DNAH5: variants seen among roughly 807,000 people sequenced by gnomAD.
DNAH5 encodes dynein axonemal heavy chain 5, also known as axonemal beta dynein heavy chain 5.
DNAH5 carries 372 observed loss-of-function variants against 518.2 expected under a neutral mutation model. The observed-to-expected ratio is 0.72, with a 90% confidence interval of 0.66 to 0.78. The LOEUF (loss-of-function observed/expected upper bound fraction) is 0.78, where lower values mean the gene tolerates loss of function less well. DNAH5 is among the 30% of genes least tolerant of loss of function. The pLI is 0.00. For synonymous variants in DNAH5, 2,039 were observed against 2,025.9 expected, an observed-to-expected ratio of 1.01 and a Z score of -0.17; for missense variants, 5,523 against 5,687.0, an observed-to-expected ratio of 0.97 and a Z score of 0.93.
At chr5:13,738,964 A>G (rs1165476068) in intron 65 of DNAH5, among the ~76,000 whole-genome samples, 2 of 152,158 alleles carry the variant, frequency 1.3e-5, no homozygotes, top group Admixed American at 6.5e-5. Context: ...TTTATAATGT[A>G]CAATTCATTA....
intron 74 of DNAH5, among the ~76,000 whole-genome samples, chr5:13,715,999 G>T (rs40392): frequency 6.6e-6 from 1 of 152,038 alleles, no homozygotes; most frequent in Admixed American, 6.6e-5. Flanking sequence ...TCCTAGAGGA[G>T]GTTCTTACAC....
chr5:13,952,853 G>A (rs1477430704), intron 1 of DNAH5, among the ~76,000 whole-genome samples: 3 of 152,158 alleles, frequency 2.0e-5, no homozygotes. Flanking sequence ...TGCAATCATA[G>A]CTCACTGCAG....
chr5:13,997,260 T>C (rs1370250716), intron 1 of DNAH5, among the ~76,000 whole-genome samples: 1 of 152,250 alleles, frequency 6.6e-6, no homozygotes, highest in Admixed American at 6.5e-5. Flanking sequence ...TCATATTTTA[T>C]TATAAGAGTC....
At chr5:13,983,692 A>T (rs766984216) in intron 1 of DNAH5, among the ~76,000 whole-genome samples, 6 of 152,188 alleles carry the variant, frequency 3.9e-5, no homozygotes, top group Non-Finnish European at 8.8e-5. Context: ...TTCCTGGAGG[A>T]CACTGATGGA....
chr5:13,954,558 G>A (rs1390569079), intron 1 of DNAH5, among the ~76,000 whole-genome samples: 1 of 152,218 alleles, frequency 6.6e-6, no homozygotes, highest in Non-Finnish European at 1.5e-5. Context: ...TCTTCCTTTT[G>A]TAATAGAAGA....
At position 13,702,215 on chromosome 5, in the gene DNAH5, G is replaced by A. The variant is rs539573003; in HGVS notation, c.13339-779C>T. 4.1e-4 allele frequency among the ~76,000 whole-genome samples: 63 copies of A among 152,190 alleles called. No individual in the cohort carries two copies. The South Asian group carries it at 0.013, about 32-fold the overall frequency. On this transcript the variant is annotated intron_variant, in intron 76 of 78. Transcript: ENST00000265104. ...TAGATTATAACATTTTACTGTAATT[G>A]CAATATTTTATGTATGAATAAATGT...
At chr5:13,848,114 G>A (rs1766296509) in intron 31 of DNAH5, among the ~76,000 whole-genome samples, 1 of 152,194 alleles carries the variant, frequency 6.6e-6, no homozygotes, top group South Asian at 2.1e-4. Flanking sequence ...AAATGGAATG[G>A]CGCAGCATCA....
At chr5:13,831,856 C>T (rs1580470318) in intron 35 of DNAH5, among the ~76,000 whole-genome samples, 1 of 152,264 alleles carries the variant, frequency 6.6e-6, no homozygotes, top group African/African-American at 2.4e-5. Context: ...CGTTTCATCC[C>T]CAGAGAACCC....
At chr5:13,712,306 T>C (rs1310343586) in intron 75 of DNAH5, among the ~76,000 whole-genome samples, 1 of 152,192 alleles carries the variant, frequency 6.6e-6, no homozygotes, top group Non-Finnish European at 1.5e-5. Flanking sequence ...TCTCACCTTA[T>C]ACAAAAATCA....
At chr5:13,948,374 T>TC (rs1780099587), upstream of DNAH5, among the ~76,000 whole-genome samples, 1 of 152,182 alleles carries the variant, frequency 6.6e-6, no homozygotes. Context: ...AAGCCTAGTT[T>TC]AATGGACAGG....
chr5:13,875,130 T>C (rs1033199581), intron 22 of DNAH5, among the ~76,000 whole-genome samples: 1 of 152,200 alleles, frequency 6.6e-6, no homozygotes, highest in Non-Finnish European at 1.5e-5. Context: ...GGAAAACTAA[T>C]ATCTGAGCAT....
At chr5:13,819,574 A>G (rs1761953165) in intron 41 of DNAH5, among the ~76,000 whole-genome samples, 1 of 152,072 alleles carries the variant, frequency 6.6e-6, no homozygotes, top group Non-Finnish European at 1.5e-5. Flanking sequence ...TAGAACCTCA[A>G]TGCACTGCTA....
At chr5:13,827,017 T>C (rs1321752963) in intron 38 of DNAH5, among the ~76,000 whole-genome samples, 1 of 152,096 alleles carries the variant, frequency 6.6e-6, no homozygotes, top group Non-Finnish European at 1.5e-5. Context: ...CAGATAAAGA[T>C]GGGGAACTTG....
chr5:13,796,120 TTCCC>T (rs1757782076), intron 47 of DNAH5, among the ~76,000 whole-genome samples: 1 of 152,162 alleles, frequency 6.6e-6, no homozygotes, highest in Admixed American at 6.5e-5. Flanking sequence ...ACTGGAAGCA[TTCCC>T]TTTGAAAACT....
intron 36 of DNAH5, among the ~76,000 whole-genome samples, 191 bp from the exon 37 acceptor site, chr5:13,830,404 TA>T (rs1272982981): frequency 2.3e-5 from 3 of 131,344 alleles, no homozygotes; most frequent in Non-Finnish European, 4.9e-5. Flanking sequence ...ACACCCAAGA[TA>T]AAGGAATATC....
chr5:13,965,046 C>T (rs1781439615), intron 1 of DNAH5, among the ~76,000 whole-genome samples: 1 of 152,158 alleles, frequency 6.6e-6, no homozygotes, highest in South Asian at 2.1e-4. Context: ...TTAGTAATTA[C>T]TCCTTCAAGG....
At chr5:13,719,175 A>G in intron 71 of DNAH5, 74 bp from the exon 72 acceptor site, 1 of 1,150,656 alleles carries the variant, frequency 8.7e-7, no homozygotes, top group Non-Finnish European at 1.3e-6. Context: ...ATTCTTTAGA[A>G]ATTAAGTAAT....
intron 59 of DNAH5, among the ~76,000 whole-genome samples, chr5:13,765,083 T>C (rs1752338897): frequency 6.6e-6 from 1 of 152,210 alleles, no homozygotes; most frequent in Admixed American, 6.5e-5. Context: ...GTGGAAACAC[T>C]ACACAGTGGC....
Position 13,920,043 on chromosome 5 carries a change from G to T in DNAH5, c.798+437C>A, listed in dbSNP as rs377202270. Among the ~76,000 whole-genome samples, 95 of 152,268 alleles carry T rather than the reference G, an allele frequency of 6.2e-4. 1 individual carries two copies. In the South Asian group the frequency reaches 0.018, roughly 29 times the overall value. On this transcript the variant is annotated intron_variant, in intron 6 of 78. Transcript: ENST00000265104. ...GGAACATGGCCTTGTTAAATTGCAT[G>T]GCTCAGGCTAGTGGATTTTAATTGT...
Sources: allele counts gnomAD v4.1 joint callset (sites outside exome capture counted in the v4.1 genomes callset), GRCh38; gene constraint gnomAD v4.1.1; transcripts MANE v1.5; gene names NCBI Gene and HGNC (gene_info 2026-07-23, HGNC 2026-07-21).